KLHL4: variants seen among roughly 807,000 people sequenced by gnomAD.
KLHL4 encodes kelch-like protein 4.
In KLHL4, 17 loss-of-function variants were observed where a neutral mutation model predicts 45.8. The observed-to-expected ratio is 0.37, with a 90% CI of 0.25 to 0.56. The LOEUF (loss-of-function observed/expected upper bound fraction) is 0.56, where lower values mean the gene tolerates loss of function less well. Ranked by LOEUF, KLHL4 falls within the 20% of genes least tolerant of loss-of-function variation. KLHL4 has a pLI of 0.79. For synonymous variants in KLHL4, 224 were observed against 189.9 expected (o/e 1.18, Z -1.47); for missense variants, 544 against 544.9 (o/e 1.00, Z 0.02).
At chrX:87,571,417 A>G (rs1268538104) in intron 1 of KLHL4, among the ~76,000 whole-genome samples, 1 of 111,087 alleles carries the variant, frequency 9.0e-6, no homozygotes, top group East Asian at 2.8e-4. Flanking sequence ...ATCATTTTAG[A>G]AAATCCTCAA....
Position 87,563,922 on chromosome X carries a change from C to G in KLHL4, c.422+45607C>G, listed in dbSNP as rs183561675. Among the ~76,000 whole-genome samples the G allele has an allele frequency of 5.3e-3, 586 of 110,678 alleles. 1 individual carries two copies. Among genetic ancestry groups the G allele is most frequent in the African/African-American group, 0.018 (551 of 30,596 alleles). Reference sequence around the variant, plus strand: ...CTGGCAGCTGACTTTCCTAGACAAACAAAAGCTTAGACAGACTTTCTTAGA... The same window carrying G: ...CTGGCAGCTGACTTTCCTAGACAAAGAAAAGCTTAGACAGACTTTCTTAGA... On this transcript the variant is annotated intron_variant, in intron 1 of 10. Coordinates refer to ENST00000373119, the MANE Select transcript of KLHL4 (RefSeq NM_019117.5).
At chrX:87,576,304 C>A (rs1199578364) in intron 1 of KLHL4, among the ~76,000 whole-genome samples, 1 of 111,239 alleles carries the variant, frequency 9.0e-6, no homozygotes, top group African/African-American at 3.3e-5. Context: ...ATTATATGTA[C>A]CTGTATTTTA....
At chrX:87,551,418 T>C (rs745391006) in intron 1 of KLHL4, among the ~76,000 whole-genome samples, 2 of 111,179 alleles carry the variant, frequency 1.8e-5, no homozygotes, top group African/African-American at 6.5e-5. Flanking sequence ...AAAATGACCA[T>C]ACTGCCAAAA....
chrX:87,609,498 C>A (rs1409653128), intron 1 of KLHL4, among the ~76,000 whole-genome samples: 1 of 112,187 alleles, frequency 8.9e-6, no homozygotes, highest in African/African-American at 3.2e-5. Flanking sequence ...ATTTGCATTT[C>A]TCTGATGGCC....
intron 1 of KLHL4, among the ~76,000 whole-genome samples, chrX:87,531,972 G>GA (rs1333450893): frequency 3.8e-5 from 4 of 104,951 alleles, no homozygotes; most frequent in South Asian, 4.5e-4. Context: ...CACAGAATTG[G>GA]AAAAAAATAC....
chrX:87,635,420 G>T, intron 8 of KLHL4, 143 bp from the exon 9 acceptor site: 1 of 427,147 alleles, frequency 2.3e-6, no homozygotes, highest in Non-Finnish European at 4.0e-6. Flanking sequence ...GCATAATAGT[G>T]TAGGAGTAGA....
At chrX:87,551,895 A>T (rs1931834065) in intron 1 of KLHL4, among the ~76,000 whole-genome samples, 1 of 111,885 alleles carries the variant, frequency 8.9e-6, no homozygotes, top group Non-Finnish European at 1.9e-5. Flanking sequence ...ATTCTACAAA[A>T]ATCAACTCAA....
chrX:87,608,833 A>C (rs1922279782), intron 1 of KLHL4, among the ~76,000 whole-genome samples: 1 of 110,941 alleles, frequency 9.0e-6, no homozygotes, highest in Non-Finnish European at 1.9e-5. Context: ...ACATATGTAT[A>C]CATGTGCCAT....
At chrX:87,657,076 A>T (rs978161146) in intron 9 of KLHL4, among the ~76,000 whole-genome samples, 2 of 111,128 alleles carry the variant, frequency 1.8e-5, no homozygotes, top group Admixed American at 1.9e-4. Context: ...CTGGGGTGGC[A>T]GAGCTCTCCA....
chrX:87,568,718 G>C (rs1932274440), intron 1 of KLHL4, among the ~76,000 whole-genome samples: 1 of 111,120 alleles, frequency 9.0e-6, no homozygotes, highest in African/African-American at 3.3e-5. Flanking sequence ...GTTGATTTTT[G>C]ACAAGTGTGC....
chrX:87,574,052 AT>A (rs890654434), intron 1 of KLHL4, among the ~76,000 whole-genome samples: 27 of 111,985 alleles, frequency 2.4e-4, no homozygotes, highest in Non-Finnish European at 4.3e-4. Context: ...AGCCAAGTCT[AT>A]TCAAAACTAA....
At chrX:87,602,770 T>C (rs1166779572) in intron 1 of KLHL4, among the ~76,000 whole-genome samples, 1 of 111,846 alleles carries the variant, frequency 8.9e-6, no homozygotes, top group Non-Finnish European at 1.9e-5. Flanking sequence ...TGCATGTGTG[T>C]ATATAAAAAT....
Position 87,552,714 on chromosome X carries a change from A to T in KLHL4, c.422+34399A>T, listed in dbSNP as rs6617416. ...TAAATTATATATATATATATATATA[A>T]CATGGCATTTTCTCACTTATTAGTA... On this transcript the variant is annotated intron_variant, in intron 1 of 10. Transcript: ENST00000373119. Among the ~76,000 whole-genome samples the T allele has an allele frequency of 3.0e-3, 205 of 67,394 alleles. 1 individual carries two copies. Among genetic ancestry groups the T allele is most frequent in the African/African-American group, 0.012 (197 of 16,323 alleles). 58.5% of individuals were successfully genotyped at this position (67,394 alleles called of 115,157 possible).
chrX:87,572,123 G>T (rs1264495325), intron 1 of KLHL4, among the ~76,000 whole-genome samples: 1 of 111,206 alleles, frequency 9.0e-6, no homozygotes, highest in Non-Finnish European at 1.9e-5. Context: ...GTGAATATTT[G>T]TGGTTCTTGG....
At chrX:87,621,724 ATT>A (rs946329667) in intron 4 of KLHL4, among the ~76,000 whole-genome samples, 6 of 111,610 alleles carry the variant, frequency 5.4e-5, no homozygotes, top group African/African-American at 2.0e-4. Context: ...GTTTTTCATC[ATT>A]CTTTTTTCTT....
rs764922529 is a variant in KLHL4, at chrX:87,632,422, C to T, written c.1537C>T (p.Arg513Trp). Residue 513 changes from arginine to tryptophan, a missense_variant, in exon 7 of 11, where the codon CGG (arginine) becomes TGG (tryptophan). Coordinates refer to ENST00000373119, the MANE Select transcript of KLHL4 (RefSeq NM_019117.5). ...TGTGATGCCTCCCATGTCAACACAT[C>T]GGCACGGCTTAGGTAAGAGCTTAAC... ...WTVMPPMSTH[R>W]HGLGVATLEG... 3 of 1,184,655 alleles carry T rather than the reference C, an allele frequency of 2.5e-6. No homozygotes were observed. Among genetic ancestry groups the T allele is most frequent in the African/African-American group, 1.8e-5 (1 of 56,671 alleles).
intron 1 of KLHL4, among the ~76,000 whole-genome samples, chrX:87,524,499 C>G (rs1931070970): frequency 9.0e-6 from 1 of 111,211 alleles, no homozygotes; most frequent in African/African-American, 3.3e-5. Flanking sequence ...TCCCCCATCC[C>G]CATCATTCCA....
chrX:87,581,905 A>C (rs746531394), intron 1 of KLHL4, among the ~76,000 whole-genome samples: 2 of 112,053 alleles, frequency 1.8e-5, no homozygotes, highest in Admixed American at 1.9e-4. Flanking sequence ...GGTAAAAATG[A>C]ACTTCACTGA....
chrX:87,600,415 G>A (rs1323889100), intron 1 of KLHL4, among the ~76,000 whole-genome samples: 7 of 108,206 alleles, frequency 6.5e-5, no homozygotes, highest in Non-Finnish European at 1.2e-4. Context: ...CCCGGGAGGC[G>A]GAGCTTGCAG....
Sources: allele counts gnomAD v4.1 joint callset (sites outside exome capture counted in the v4.1 genomes callset), GRCh38; gene constraint gnomAD v4.1.1; transcripts MANE v1.5; gene names NCBI Gene and HGNC (gene_info 2026-07-23, HGNC 2026-07-21).